GNB3: variants seen among roughly 807,000 people sequenced by gnomAD.
GNB3 encodes the protein guanine nucleotide-binding protein G(I)/G(S)/G(T) subunit beta-3.
In GNB3, 33 loss-of-function variants were observed where a neutral mutation model predicts 41.2. The ratio of observed to expected loss-of-function variants is 0.80; its 90% CI spans 0.61 to 1.07. The LOEUF is 1.07. Among genes scored for constraint, GNB3 ranks in the 50% least tolerant of loss-of-function variants. The pLI is 0.00. For missense variants in GNB3, 409 were observed against 455.3 expected (o/e 0.90, Z 0.92); for synonymous variants, 172 against 173.4 (o/e 0.99, Z 0.06).
At chr12:6,846,726 C>T (rs782182483) in intron 9 of GNB3, 66 bp from the exon 10 acceptor site, 27 of 856,134 alleles carry the variant, frequency 3.2e-5, no homozygotes, top group Non-Finnish European at 4.1e-5. Flanking sequence ...TACACTTACA[C>T]GCATGCACAC....
chr12:6,841,221 G>C (rs1340210736), intron 1 of GNB3, 37 bp from the exon 2 acceptor site: 5 of 1,331,850 alleles, frequency 3.8e-6, no homozygotes, highest in Non-Finnish European at 5.3e-6. Flanking sequence ...ACAGCCTGGT[G>C]GGGGGTTCCT....
chr12:6,841,155 C>A, intron 1 of GNB3, 103 bp from the exon 2 acceptor site: 1 of 720,134 alleles, frequency 1.4e-6, no homozygotes, highest in Non-Finnish European at 2.4e-6. Context: ...GAGGGTGCAG[C>A]CACCCAGTCG....
chr12:6,841,860 A>G (rs938022256), intron 3 of GNB3: 2 of 688,736 alleles, frequency 2.9e-6, no homozygotes, highest in East Asian at 5.5e-5. Flanking sequence ...GAGTGACCAC[A>G]GCCCCCTCCC....
At chr12:6,841,411 G>C in intron 2 of GNB3, 67 bp downstream of exon 2, 1 of 1,434,750 alleles carries the variant, frequency 7.0e-7, no homozygotes, top group Non-Finnish European at 9.7e-7. Context: ...GTGGCCCAGG[G>C]GGAGGGGGCT....
At position 6,842,997 on chromosome 12, in the gene GNB3, C is replaced by T. The variant is rs782043619; in HGVS notation, c.124C>T (p.Arg42Ter). 8 of 1,553,600 alleles carry T rather than the reference C, an allele frequency of 5.1e-6. No homozygotes were observed. Among genetic ancestry groups the T allele is most frequent in the East Asian group, 2.3e-5 (1 of 44,184 alleles). The stretch of plus-strand genomic sequence containing the variant: ...GGTGTCTGGCCTAGAGGTGGTGGGA[C>T]GAGTCCAGATGCGGACGCGGCGGAC... ...ELVSGLEVVG[R>*]VQMRTRRTLR... Residue 42 changes from arginine to a stop codon, truncating the protein, a stop_gained, in exon 4 of 10, where the codon CGA becomes TGA. Transcript: ENST00000229264. LOFTEE classifies it high-confidence loss of function.
Position 6,843,293 on chromosome 12 carries a change from G to T in GNB3, c.267+56G>T. The T allele has an allele frequency of 6.2e-7, 1 of 1,610,126 alleles. No individual in the cohort carries two copies. On this transcript the variant is annotated intron_variant, in intron 5 of 9. Transcript: ENST00000229264. This position sits in a 1 kb window ranked among gnomAD's most constrained non-coding sequence, Gnocchi z 5.9. ...ACTGCATCCTTCCTAAGGGCGCCAT[G>T]CCTACCCTCCTGTGCCCAGCTGGGA...
In GNB3 at chr12:6,847,065, C is replaced by G. The variant is rs1313090355; in HGVS notation, c.*167C>G. The G allele has an allele frequency of 1.7e-6, 1 of 589,668 alleles. No homozygotes were observed. The highest frequency in any genetic ancestry group is 1.9e-5 in the African/African-American group (1 of 53,826). The allele number at this position is 589,668 out of a possible 1,614,324, so 36.5% of individuals were successfully genotyped here. On this transcript the variant is annotated 3_prime_UTR_variant, in exon 10 of 10. Coordinates refer to ENST00000229264, the MANE Select transcript of GNB3 (RefSeq NM_002075.4). The stretch of plus-strand genomic sequence containing the variant: ...GGACTGTGCCTTTGGGAGGCAGCAT[C>G]AGGGACACAGGGGCAAAGAACTGCC...
At chr12:6,841,132 G>T (rs1426994386) in intron 1 of GNB3, 99 bp downstream of exon 1, 4 of 661,994 alleles carry the variant, frequency 6.0e-6, no homozygotes, top group Non-Finnish European at 1.1e-5. Context: ...AACTTGGAGG[G>T]CCTAGCTGGG....
chr12:6,844,056 T>G, intron 8 of GNB3, 78 bp downstream of exon 8: 3 of 770,230 alleles, frequency 3.9e-6, no homozygotes, highest in Non-Finnish European at 4.1e-6. Flanking sequence ...ACACATCCTC[T>G]GCCCCTCCCA....
chr12:6,843,934 C>G lies in GNB3; in HGVS notation c.655C>G (p.Arg219Gly). The change falls in exon 8 of 10, where the codon CGT becomes GGT. Residue 219 changes from arginine (R) to glycine (G), a missense_variant. Coordinates refer to ENST00000229264, the MANE Select transcript of GNB3 (RefSeq NM_002075.4). The surrounding 1 kb of genome is among the most constrained non-coding windows in gnomAD (Gnocchi z 5.9). ...CTGGGATGTGCGAGAGGGGACCTGC[C>G]GTCAGACTTTCACTGGCCACGAGTC... ...KLWDVREGTC[R>G]QTFTGHESDI... 6.2e-7 allele frequency: 1 copy of G among 1,613,828 alleles called. No homozygotes were observed. Among genetic ancestry groups the G allele is most frequent in the Non-Finnish European group, 8.5e-7 (1 of 1,179,886 alleles).
rs1555124469 is a variant in GNB3, at chr12:6,845,623, A to G, written c.737A>G (p.Asp246Gly). ...PNGEAICTGS[D>G]DASCRLFDLR... ...GGAGAGGCCATCTGCACGGGCTCGG[A>G]TGACGCTTCCTGCCGCTTGTTTGAC... is the stretch of plus-strand genomic sequence containing the variant. The change falls in exon 9 of 10, where the codon GAT becomes GGT. Residue 246 changes from aspartate to glycine, a missense_variant. By Grantham distance (94) the Asp-to-Gly change is moderately conservative. Coordinates refer to ENST00000229264, the MANE Select transcript of GNB3 (RefSeq NM_002075.4). 1.9e-6 allele frequency: 3 copies of G among 1,613,260 alleles called. No homozygotes were observed. Among genetic ancestry groups the G allele is most frequent in the African/African-American group, 1.3e-5 (1 of 75,008 alleles).
chr12:6,846,886 A>C lies in GNB3; in HGVS notation c.1011A>C (p.Lys337Asn). 6.3e-7 allele frequency: 1 copy of C among 1,581,456 alleles called. No homozygotes were observed. Among genetic ancestry groups the C allele is most frequent in the Non-Finnish European group, 8.6e-7 (1 of 1,160,376 alleles). ...VATGSWDSFLKIWN is the reference protein window; with the variant it reads ...VATGSWDSFLNIWN Reference sequence around the variant, plus strand: ...CAGGTTCCTGGGACAGCTTCCTCAAAATCTGGAACTGAGGAGGCTGGAGAA... The same window carrying C: ...CAGGTTCCTGGGACAGCTTCCTCAACATCTGGAACTGAGGAGGCTGGAGAA... The change falls in exon 10 of 10, where the codon AAA becomes AAC. Residue 337 changes from lysine (K) to asparagine (N), a missense_variant. Coordinates refer to ENST00000229264, the MANE Select transcript of GNB3 (RefSeq NM_002075.4).
In GNB3 at chr12:6,843,139, G is replaced by A. The variant is rs782337491; in HGVS notation, c.204-35G>A. On this transcript the variant is annotated intron_variant, in intron 4 of 9. Coordinates refer to ENST00000229264, the MANE Select transcript of GNB3 (RefSeq NM_002075.4). The surrounding 1 kb of genome is among the most constrained non-coding windows in gnomAD (Gnocchi z 5.9). ...AGCGGGAGTGAGGAAGGCGGGAAGG[G>A]GAGGCTTGCATGATATGGGATGCCC... The A allele has an allele frequency of 2.3e-5, 37 of 1,609,402 alleles. No homozygotes were observed. The South Asian group carries it at 2.9e-4, about 12-fold the overall frequency.
In GNB3 at chr12:6,846,808, C is replaced by T. The variant is rs1245482600; in HGVS notation, c.933C>T (p.His311=). The part of the protein sequence containing the change: ...KSERVGILSG[H]DNRVSCLGVT... Reference sequence around the variant, plus strand: ...CTTCCTCAGGCATCCTCTCTGGCCACGATAACAGGGTGAGCTGCCTGGGAG... The same window carrying T: ...CTTCCTCAGGCATCCTCTCTGGCCATGATAACAGGGTGAGCTGCCTGGGAG... Residue 311 remains histidine (H), a synonymous_variant, in exon 10 of 10, where the codon CAC becomes CAT. Coordinates refer to ENST00000229264, the MANE Select transcript of GNB3 (RefSeq NM_002075.4). The T allele has an allele frequency of 3.8e-6, 6 of 1,594,734 alleles. No homozygotes were observed. The highest frequency in any genetic ancestry group is 1.7e-4 in the Middle Eastern group (1 of 6,058).
chr12:6,841,410 G>A, intron 2 of GNB3, 66 bp downstream of exon 2: 1 of 1,440,942 alleles, frequency 6.9e-7, no homozygotes, highest in African/African-American at 1.4e-5. Flanking sequence ...CGTGGCCCAG[G>A]GGGAGGGGGC....
rs1328398910 is a variant in GNB3, at chr12:6,845,689, G to A, written c.803G>A (p.Ser268Asn). Residue 268 changes from serine to asparagine, a missense_variant, in exon 9 of 10, where the codon AGC becomes AAC. Transcript: ENST00000229264. ...DQELICFSHE[S>N]IICGITSVAF... ...GAGCTGATCTGCTTCTCCCACGAGAGCATCATCTGCGGCATCACGTCCGTG... is the reference window on the plus strand; with the variant it reads ...GAGCTGATCTGCTTCTCCCACGAGAACATCATCTGCGGCATCACGTCCGTG... 1 of 1,613,970 alleles carries A rather than the reference G, an allele frequency of 6.2e-7. No individual in the cohort carries two copies. Among genetic ancestry groups the A allele is most frequent in the Non-Finnish European group, 8.5e-7 (1 of 1,179,986 alleles).
intron 8 of GNB3, chr12:6,845,281 GGACAACC>G: frequency 2.8e-6 from 1 of 362,872 alleles, no homozygotes; most frequent in Non-Finnish European, 5.2e-6. Flanking sequence ...TGGGAGTCTG[GGACAACC>G]TCCGTCCGCC....
intron 2 of GNB3, 70 bp downstream of exon 2, chr12:6,841,414 AG>A (rs1943571530): frequency 7.1e-7 from 1 of 1,404,874 alleles, no homozygotes; most frequent in Admixed American, 1.9e-5. Context: ...GCCCAGGGGG[AG>A]GGGGCTGGGT....
rs1469047599 is a variant in GNB3 at position 6,843,063 on chromosome 12, G to A, written c.190G>A (p.Ala64Thr). Residue 64 changes from alanine (A) to threonine (T), a missense_variant, in exon 4 of 10, where the codon GCC (alanine) becomes ACC (threonine). Physicochemically the swap from Ala to Thr is moderately conservative, Grantham distance 58. Coordinates refer to ENST00000229264, the MANE Select transcript of GNB3 (RefSeq NM_002075.4). This position sits in a 1 kb window ranked among gnomAD's most constrained non-coding sequence, Gnocchi z 5.9. ...GGCCAAGATTTACGCCATGCACTGG[G>A]CCACTGATTCTAAGTGAGGCTTGGG... ...HLAKIYAMHW[A>T]TDSKLLVSAS... 66 of 1,600,730 alleles carry A rather than the reference G, an allele frequency of 4.1e-5. No individual in the cohort carries two copies. Among genetic ancestry groups the A allele is most frequent in the Non-Finnish European group, 5.5e-5 (64 of 1,169,964 alleles).
Sources: gnomAD v4.1 joint callset for allele counts on GRCh38, gnomAD v4.1.1 for gene constraint, Gnocchi (gnomAD v3.1) non-coding constraint, MANE v1.5 for transcripts, NCBI Gene and HGNC (gene_info 2026-07-23, HGNC 2026-07-21) for gene names.